UVSSA: variants seen among roughly 807,000 people sequenced by gnomAD.
UVSSA encodes the protein UV-stimulated scaffold protein A.
Under a neutral mutation model 73.9 loss-of-function variants are expected in UVSSA, and 72 were observed. The observed-to-expected ratio is 0.97, with a 90% CI of 0.81 to 1.19. UVSSA has a LOEUF of 1.19. Among genes scored for constraint, UVSSA ranks in the 50% most tolerant of loss-of-function variants. UVSSA has a pLI of 0.00. For missense variants in UVSSA, 1,150 were observed against 965.0 expected (o/e 1.19, Z -2.54); for synonymous variants, 454 against 391.3 (o/e 1.16, Z -1.89).
intron 10 of UVSSA, among the ~76,000 whole-genome samples, chr4:1,376,477 G>A (rs2109271823): frequency 6.6e-6 from 1 of 152,342 alleles, no homozygotes; most frequent in South Asian, 2.1e-4. Flanking sequence ...CGGCCCTGGG[G>A]CCCGTTCAGT....
At chr4:1,364,256 T>C (rs13105310) in intron 7 of UVSSA, among the ~76,000 whole-genome samples, 1,523 of 62,154 alleles carry the variant, frequency 0.025, 38 homozygotes, top group Non-Finnish European at 0.035. Context: ...GGCCTGGCTC[T>C]GTGGGGGCCA....
intron 7 of UVSSA, among the ~76,000 whole-genome samples, chr4:1,364,001 G>T (rs568591923): frequency 1.4e-5 from 2 of 142,816 alleles, no homozygotes. Flanking sequence ...GCCTGGCTCC[G>T]TGGGGGCCAC....
At chr4:1,393,074 A>T (rs917162148) in exon 14 of UVSSA, 3 of 152,146 alleles carry the variant, frequency 2.0e-5, no homozygotes, top group African/African-American at 7.2e-5. Context: ...ACGTGTGTTG[A>T]TGTGGAGCTG....
intron 12 of UVSSA, among the ~76,000 whole-genome samples, chr4:1,382,819 C>T (rs890540157): frequency 2.6e-5 from 4 of 152,328 alleles, no homozygotes; most frequent in Admixed American, 2.0e-4. Flanking sequence ...TGGTCGCCCC[C>T]GTGGCCTGGT....
upstream of UVSSA, among the ~76,000 whole-genome samples, chr4:1,347,103 T>C (rs1307896368): frequency 6.6e-6 from 1 of 151,788 alleles, no homozygotes; most frequent in African/African-American, 2.4e-5. Flanking sequence ...GTCGTCGCTG[T>C]GGTGACCCCA....
intron 3 of UVSSA, 91 bp downstream of exon 3, chr4:1,349,945 C>T (rs1330319085): frequency 1.6e-6 from 2 of 1,224,348 alleles, no homozygotes; most frequent in African/African-American, 3.1e-5. Context: ...TCCTGTTGAA[C>T]CTAGCACAGC....
rs888859995 is a variant in UVSSA at position 1,354,767 on chromosome 4, C to T, written c.967C>T (p.Leu323Phe). 8 of 1,613,560 alleles carry T rather than the reference C, an allele frequency of 5.0e-6. No homozygotes were observed. The African/African-American group carries it at 8.0e-5, about 16-fold the overall frequency. ...GAAGGTGCAGGAGAACGAGGACAAC[C>T]TTGCTCTCATCCACGCCGCCCGCGA... Reference protein sequence around the residue: ...GLKVQENEDNLALIHAARDTL... With the variant: ...GLKVQENEDNFALIHAARDTL... The change falls in exon 6 of 14, where the codon CTT (leucine) becomes TTT (phenylalanine). Residue 323 changes from leucine (L) to phenylalanine (F), a missense_variant. Transcript: ENST00000389851.
chr4:1,366,928 C>T (rs1200257514), intron 8 of UVSSA, among the ~76,000 whole-genome samples: 1 of 152,220 alleles, frequency 6.6e-6, no homozygotes, highest in Non-Finnish European at 1.5e-5. Context: ...CTCGTGGGCT[C>T]CTTGAACTTG....
At chr4:1,394,076 A>G (rs1203382904) in exon 14 of UVSSA, 3 of 293,086 alleles carry the variant, frequency 1.0e-5, no homozygotes, top group Non-Finnish European at 1.9e-5. Context: ...GCAGCTGCCA[A>G]CTGTGCCTTT....
intron 7 of UVSSA, among the ~76,000 whole-genome samples, chr4:1,364,012 C>A: frequency 8.7e-6 from 1 of 115,350 alleles, no homozygotes; most frequent in Non-Finnish European, 1.8e-5. Flanking sequence ...TGGGGGCCAC[C>A]TCCCGGCAGG....
rs553642472 is a variant in UVSSA, at chr4:1,365,800, C to G, written c.1177-520C>G. On this transcript the variant is annotated intron_variant, in intron 7 of 13. Transcript: ENST00000389851. ...TGCTCCACCTGGTGGGAAGATAACT[C>G]ACCTAAGCCCCGGGGGCACCGCAGA... 7.2e-4 allele frequency among the ~76,000 whole-genome samples: 109 copies of G among 151,680 alleles called. 1 individual carries two copies. Among genetic ancestry groups the G allele is most frequent in the African/African-American group, 2.6e-3 (108 of 41,312 alleles).
upstream of UVSSA, among the ~76,000 whole-genome samples, chr4:1,344,643 G>A (rs1713549067): frequency 6.6e-6 from 1 of 152,194 alleles, no homozygotes; most frequent in African/African-American, 2.4e-5. Context: ...TTGAGCACCT[G>A]CTTTTTGTCT....
At chr4:1,345,949 T>C (rs1713633537), upstream of UVSSA, among the ~76,000 whole-genome samples, 3 of 151,480 alleles carry the variant, frequency 2.0e-5, no homozygotes, top group South Asian at 2.1e-4. Context: ...AGGCCGGGGA[T>C]TGGATGCACA....
Position 1,364,410 on chromosome 4 carries a change from TCC to T in UVSSA, c.1177-1907_1177-1906del, listed in dbSNP as rs1204707162. ...GTGGGGGCTGGGCTTGGAGCCGCAGTCCCCTGCACACCTGGGCTTTGTCTCTG... is the reference window on the plus strand; with the variant it reads ...GTGGGGGCTGGGCTTGGAGCCGCAGTCCTGCACACCTGGGCTTTGTCTCTG... On this transcript the variant is annotated intron_variant, in intron 7 of 13. Transcript: ENST00000389851. Among the ~76,000 whole-genome samples the T allele has an allele frequency of 3.3e-5, 5 of 152,068 alleles. No homozygotes were observed. The East Asian group carries it at 7.7e-4, about 24-fold the overall frequency.
intron 7 of UVSSA, among the ~76,000 whole-genome samples, chr4:1,360,563 G>GAGGCTGGCGCCTGCTT (rs1716482770): frequency 6.6e-6 from 1 of 152,036 alleles, no homozygotes; most frequent in African/African-American, 2.4e-5. Flanking sequence ...CTATGGCCGC[G>GAGGCTGGCGCCTGCTT]CCCAGAGGCT....
At chr4:1,364,237 GCCTT>G (rs1717010619) in intron 7 of UVSSA, among the ~76,000 whole-genome samples, 1 of 85,118 alleles carries the variant, frequency 1.2e-5, no homozygotes, top group South Asian at 4.4e-4. Flanking sequence ...GGGCCCCGTG[GCCTT>G]GTGTGGCCTG....
intron 12 of UVSSA, 123 bp from the exon 13 acceptor site, chr4:1,383,643 G>A: frequency 8.6e-7 from 1 of 1,168,768 alleles, no homozygotes; most frequent in Non-Finnish European, 1.2e-6. Flanking sequence ...CCAGGGTACG[G>A]CCGTGGGCAA....
rs960368034 is a variant in UVSSA, at chr4:1,348,144, C to G, written c.53C>G (p.Pro18Arg). The G allele has an allele frequency of 2.5e-6, 4 of 1,613,714 alleles. No individual in the cohort carries two copies. The African/African-American group carries it at 4.0e-5, about 16-fold the overall frequency. ...GAAGAGCTCACAACTTCAGGAGAAC[C>G]CCGACTAAATCCTGAGAAAATGAAG... ...LVEELTTSGE[P>R]RLNPEKMKEL... is the part of the protein sequence containing the mutation. The change falls in exon 2 of 14, where the codon CCC becomes CGC. Residue 18 changes from proline (P) to arginine (R), a missense_variant. Physicochemically the swap from Pro to Arg is moderately radical, Grantham distance 103 (BLOSUM62 -2). Coordinates refer to ENST00000389851, the MANE Select transcript of UVSSA (RefSeq NM_020894.4).
Position 1,380,765 on chromosome 4 carries a change from T to C in UVSSA, c.1753-115T>C, listed in dbSNP as rs1031047371. 5.7e-6 allele frequency: 9 copies of C among 1,575,664 alleles called. No individual in the cohort carries two copies. The Admixed American group carries it at 1.5e-4, about 26-fold the overall frequency. ...GATTCCAGGTTGTGTACACTTTGGCTCTGTGATACCACCCACCCTGGTCGC... is the reference window on the plus strand; with the variant it reads ...GATTCCAGGTTGTGTACACTTTGGCCCTGTGATACCACCCACCCTGGTCGC... On this transcript the variant is annotated intron_variant, in intron 11 of 13. Coordinates refer to ENST00000389851, the MANE Select transcript of UVSSA (RefSeq NM_020894.4).
Sources: allele counts gnomAD v4.1 joint callset (sites outside exome capture counted in the v4.1 genomes callset), GRCh38; gene constraint gnomAD v4.1.1; transcripts MANE v1.5; gene names NCBI Gene and HGNC (gene_info 2026-07-23, HGNC 2026-07-21).